The following TMPRSS5 variants were observed in gnomAD, a reference collection of about 807,000 sequenced individuals.
The protein encoded by TMPRSS5 is transmembrane serine protease 5.
In TMPRSS5, 45 loss-of-function variants were observed where a neutral mutation model predicts 59.7. That is an observed-to-expected ratio of 0.75 (90% CI 0.59 to 0.97). The LOEUF is 0.97. Among genes scored for constraint, TMPRSS5 ranks in the 50% least tolerant of loss-of-function variants. The pLI is 0.00. For synonymous variants in TMPRSS5, 225 were observed against 232.0 expected (o/e 0.97, Z 0.27); for missense variants, 585 against 596.7 (o/e 0.98, Z 0.20).
At chr11:113,690,964 TC>T in intron 9 of TMPRSS5, 25 bp from the exon 10 acceptor site, 1 of 1,559,694 alleles carries the variant, frequency 6.4e-7, no homozygotes, top group Non-Finnish European at 8.7e-7. Context: ...ATGGTCCTGG[TC>T]CCCAGTCAGG....
At chr11:113,693,351 G>A in intron 8 of TMPRSS5, 102 bp from the exon 9 acceptor site, 2 of 1,324,628 alleles carry the variant, frequency 1.5e-6, no homozygotes, top group Admixed American at 2.9e-5. Flanking sequence ...CCATTGGTGG[G>A]GGGGCCGTCA....
chr11:113,694,669 G>A (rs1952879503), intron 7 of TMPRSS5, 29 bp from the exon 8 acceptor site: 1 of 1,488,300 alleles, frequency 6.7e-7, no homozygotes, highest in Middle Eastern at 1.8e-4. Context: ...GAGATAGAAA[G>A]AGAGAGAGAG....
At chr11:113,694,035 A>G (rs1392972904) in intron 8 of TMPRSS5, among the ~76,000 whole-genome samples, 1 of 152,232 alleles carries the variant, frequency 6.6e-6, no homozygotes, top group African/African-American at 2.4e-5. Flanking sequence ...TGGGAGGCTG[A>G]GGCAGGCAGA....
chr11:113,689,881 C>A lies in TMPRSS5; in HGVS notation c.1243G>T (p.Asp415Tyr). ...ACCACCCCCACTAGGCGCCATGTGT[C>A]CCCATCTGGGCACACTAGGGGGCCC... ...SGGPLVCPDG[D>Y]TWRLVGVVSW... is the part of the protein sequence containing the mutation. The change falls in exon 12 of 13, where the codon GAC (aspartate) becomes TAC (tyrosine). Residue 415 changes from aspartate (D) to tyrosine (Y), a missense_variant. Asp to Tyr is a radical substitution (Grantham distance 160). Coordinates refer to ENST00000299882, the MANE Select transcript of TMPRSS5 (RefSeq NM_030770.4). The A allele has an allele frequency of 6.4e-7, 1 of 1,574,646 alleles. No individual in the cohort carries two copies. The highest frequency in any genetic ancestry group is 1.4e-5 in the African/African-American group (1 of 73,992).
At chr11:113,690,439 G>A (rs951004992) in intron 10 of TMPRSS5, 66 bp from the exon 11 acceptor site, 23 of 1,549,396 alleles carry the variant, frequency 1.5e-5, no homozygotes, top group East Asian at 2.4e-5. Context: ...AGCAGCAAGA[G>A]GGGAGGTAAT....
At chr11:113,697,253 T>C (rs780233251) in intron 5 of TMPRSS5, 30 bp downstream of exon 5, 1 of 1,594,118 alleles carries the variant, frequency 6.3e-7, no homozygotes, top group Non-Finnish European at 8.6e-7. Context: ...GGCCTCCCCC[T>C]TCACAGGACC....
intron 11 of TMPRSS5, 56 bp downstream of exon 11, chr11:113,690,175 T>TCCCCCCCCCCCCCCCCCCCCC: frequency 6.3e-6 from 1 of 159,592 alleles, no homozygotes; most frequent in Non-Finnish European, 1.1e-5. Context: ...GCAGGCCCCC[T>TCCCCCCCCCCCCCCCCCCCCC]GCCCTCCCAC....
intron 12 of TMPRSS5, among the ~76,000 whole-genome samples, chr11:113,688,572 T>C (rs369697983): frequency 1.3e-5 from 2 of 152,152 alleles, no homozygotes; most frequent in African/African-American, 4.8e-5. Context: ...ATAATGTTTT[T>C]GTTTTGTTTT....
intron 8 of TMPRSS5, 141 bp from the exon 9 acceptor site, chr11:113,693,390 A>C: frequency 1.1e-6 from 1 of 879,054 alleles, no homozygotes; most frequent in Non-Finnish European, 1.7e-6. Flanking sequence ...GGCCCCACAG[A>C]CTATGCCTCT....
chr11:113,692,159 A>G (rs1952801074), intron 9 of TMPRSS5, among the ~76,000 whole-genome samples: 1 of 152,194 alleles, frequency 6.6e-6, no homozygotes, highest in Admixed American at 6.5e-5. Context: ...AAGTGCTGGG[A>G]TTACAGGCGT....
intron 6 of TMPRSS5, among the ~76,000 whole-genome samples, chr11:113,695,737 A>G (rs1280207288): frequency 1.3e-5 from 2 of 152,136 alleles, no homozygotes; most frequent in African/African-American, 4.8e-5. Context: ...GTGTTTACAG[A>G]TGAGAAAGCC....
intron 1 of TMPRSS5, 122 bp from the exon 2 acceptor site, chr11:113,700,290 T>C (rs575802784): frequency 1.2e-5 from 11 of 917,324 alleles, no homozygotes; most frequent in South Asian, 7.9e-5. Flanking sequence ...CTTGTAAACC[T>C]CTACTCATCT....
chr11:113,699,900 C>T, intron 2 of TMPRSS5, 166 bp downstream of exon 2: 1 of 1,501,452 alleles, frequency 6.7e-7, no homozygotes, highest in Non-Finnish European at 8.9e-7. Context: ...CCACTCAATC[C>T]CTAAAGTGGG....
At chr11:113,694,385 C>G (rs529785978) in intron 8 of TMPRSS5, 93 bp downstream of exon 8, 2 of 1,378,856 alleles carry the variant, frequency 1.5e-6, no homozygotes, top group South Asian at 2.7e-5. Context: ...AAGCTGGAGA[C>G]AGTTGGACAC....
intron 9 of TMPRSS5, among the ~76,000 whole-genome samples, chr11:113,691,208 C>G (rs989591784): frequency 6.6e-6 from 1 of 152,132 alleles, no homozygotes; most frequent in Non-Finnish European, 1.5e-5. Context: ...GCCCCCTCCC[C>G]ACACCTGGGG....
At chr11:113,698,809 G>C in intron 4 of TMPRSS5, 96 bp downstream of exon 4, 1 of 1,414,738 alleles carries the variant, frequency 7.1e-7, no homozygotes. Flanking sequence ...ATGGTTGGCA[G>C]TGAACAGATG....
chr11:113,690,153 G>A (rs1301509461), intron 11 of TMPRSS5, 78 bp downstream of exon 11: 2 of 1,488,406 alleles, frequency 1.3e-6, no homozygotes, highest in East Asian at 4.9e-5. Flanking sequence ...CAGGGCAGGG[G>A]GCCAAGTCAC....
intron 1 of TMPRSS5, among the ~76,000 whole-genome samples, chr11:113,703,673 T>C: frequency 6.6e-6 from 1 of 152,230 alleles, no homozygotes; most frequent in East Asian, 1.9e-4. Flanking sequence ...AGTAGGTGAT[T>C]GGATCATGGG....
At chr11:113,699,566 C>A in intron 3 of TMPRSS5, 29 bp downstream of exon 3, 6 of 1,545,510 alleles carry the variant, frequency 3.9e-6, no homozygotes, top group Non-Finnish European at 5.3e-6. Context: ...CAACCTCCCC[C>A]ACACCAGAGA....
Sources: gnomAD v4.1 joint callset for allele counts (sites outside exome capture counted in the v4.1 genomes callset) on GRCh38, gnomAD v4.1.1 for gene constraint, MANE v1.5 for transcripts, NCBI Gene and HGNC (gene_info 2026-07-23, HGNC 2026-07-21) for gene names.